TMEM135: variants seen among roughly 807,000 people sequenced by gnomAD.
The protein encoded by TMEM135 is transmembrane protein 135.
Under a neutral mutation model 60.3 loss-of-function variants are expected in TMEM135, and 30 were observed. The observed-to-expected ratio is 0.50, with a 90% CI of 0.37 to 0.68. The LOEUF (loss-of-function observed/expected upper bound fraction) is 0.68. TMEM135 is among the 30% of genes least tolerant of loss of function. The pLI is 0.00. For synonymous variants in TMEM135, 190 were observed against 186.7 expected (o/e 1.02, Z -0.14); for missense variants, 468 against 548.8 (o/e 0.85, Z 1.47).
chr11:87,043,569 A>G (rs948220404), intron 1 of TMEM135, among the ~76,000 whole-genome samples: 5 of 151,840 alleles, frequency 3.3e-5, no homozygotes, highest in Admixed American at 6.6e-5. Context: ...CTAAAAATAC[A>G]AAAATTAGCT....
chr11:87,168,051 T>C (rs576503740), intron 5 of TMEM135, among the ~76,000 whole-genome samples: 1 of 152,342 alleles, frequency 6.6e-6, no homozygotes, highest in Non-Finnish European at 1.5e-5. Flanking sequence ...GGTGTATGTG[T>C]CCAGGAATTT....
chr11:87,082,488 A>G (rs975655584), intron 3 of TMEM135, among the ~76,000 whole-genome samples: 18 of 152,238 alleles, frequency 1.2e-4, no homozygotes, highest in African/African-American at 4.3e-4. Flanking sequence ...ATTTATAATT[A>G]TGCCTTTAAT....
chr11:87,323,191 CA>C lies in TMEM135; in HGVS notation c.*1863del. Reference sequence around the variant, plus strand: ...GATTGTTTAGTAAAATTTTGCTGGTCAAAAAGGTGTATTTCTACAATTTACC... The same window carrying C: ...GATTGTTTAGTAAAATTTTGCTGGTCAAAAGGTGTATTTCTACAATTTACC... On this transcript the variant is annotated 3_prime_UTR_variant, in exon 15 of 15. Coordinates refer to ENST00000305494, the MANE Select transcript of TMEM135 (RefSeq NM_022918.4). 1 of 453,698 alleles carries C rather than the reference CA, an allele frequency of 2.2e-6. No individual in the cohort carries two copies. The highest frequency in any genetic ancestry group is 1.6e-5 in the South Asian group (1 of 64,338). 28.1% of individuals were successfully genotyped at this position (453,698 alleles called of 1,614,324 possible). A position where few individuals can be genotyped will look rare whatever the true frequency, so the allele number is the denominator to read the frequency against.
At chr11:87,166,665 T>C (rs1939057975) in intron 5 of TMEM135, among the ~76,000 whole-genome samples, 1 of 151,708 alleles carries the variant, frequency 6.6e-6, no homozygotes, top group Non-Finnish European at 1.5e-5. Flanking sequence ...TTGGCCTATA[T>C]ATCTGTTTTG....
At position 87,180,290 on chromosome 11, in the gene TMEM135, C is replaced by T. The variant is rs547278240; in HGVS notation, c.462+22884C>T. On this transcript the variant is annotated intron_variant, in intron 5 of 14. Coordinates refer to ENST00000305494, the MANE Select transcript of TMEM135 (RefSeq NM_022918.4). ...TAATCTTTTTCTTTGACCAGATAAA[C>T]GGGAAAAACGGGCCCCTGTAGCCCA... is the stretch of plus-strand genomic sequence containing the variant. Among the ~76,000 whole-genome samples, 15 of 152,142 alleles carry T rather than the reference C, an allele frequency of 9.9e-5. No homozygotes were observed. The South Asian group carries it at 1.7e-3, about 17-fold the overall frequency.
chr11:87,268,164 C>T (rs72957895), intron 6 of TMEM135, among the ~76,000 whole-genome samples: 18,107 of 102,492 alleles, frequency 0.18, 2,660 homozygotes, highest in Non-Finnish European at 0.25. Context: ...ATTTCCTTTC[C>T]TTTCCTTTCT....
intron 3 of TMEM135, among the ~76,000 whole-genome samples, chr11:87,071,871 A>G (rs1856778513): frequency 6.6e-6 from 1 of 152,180 alleles, no homozygotes; most frequent in Admixed American, 6.5e-5. Flanking sequence ...AGAGAGTTCT[A>G]TAATGTGACC....
chr11:87,278,311 A>G (rs1203255016), intron 6 of TMEM135, among the ~76,000 whole-genome samples: 1 of 152,022 alleles, frequency 6.6e-6, no homozygotes, highest in East Asian at 1.9e-4. Flanking sequence ...TAACACATAT[A>G]CATTTGTAAT....
chr11:87,200,241 C>A (rs993043312), intron 5 of TMEM135, among the ~76,000 whole-genome samples: 2 of 151,876 alleles, frequency 1.3e-5, no homozygotes, highest in Non-Finnish European at 2.9e-5. Context: ...TTAACATGAA[C>A]CTTCACAGGT....
chr11:87,106,042 G>T (rs1245824703), intron 4 of TMEM135, among the ~76,000 whole-genome samples: 2 of 151,940 alleles, frequency 1.3e-5, no homozygotes, highest in Non-Finnish European at 2.9e-5. Flanking sequence ...TTTTGTGCCT[G>T]GCTTTTTTCA....
At chr11:87,184,308 G>A (rs1378620796) in intron 5 of TMEM135, among the ~76,000 whole-genome samples, 1 of 152,064 alleles carries the variant, frequency 6.6e-6, no homozygotes. Flanking sequence ...TGAATAATTG[G>A]ATTAATTATT....
intron 5 of TMEM135, among the ~76,000 whole-genome samples, chr11:87,179,920 C>T (rs952471875): frequency 3.3e-5 from 5 of 150,478 alleles, no homozygotes; most frequent in Admixed American, 2.6e-4. Flanking sequence ...CTGATACTGG[C>T]AAGTTTTCTG....
intron 6 of TMEM135, among the ~76,000 whole-genome samples, chr11:87,245,195 A>T (rs1463431244): frequency 2.0e-5 from 3 of 151,390 alleles, no homozygotes; most frequent in African/African-American, 7.3e-5. Flanking sequence ...TTCTAATTTG[A>T]TTGCACTGTG....
intron 4 of TMEM135, among the ~76,000 whole-genome samples, chr11:87,132,508 T>C (rs1226068720): frequency 6.6e-6 from 1 of 152,158 alleles, no homozygotes; most frequent in Non-Finnish European, 1.5e-5. Context: ...ATGTACATGA[T>C]ATTGGATTCA....
intron 6 of TMEM135, among the ~76,000 whole-genome samples, chr11:87,279,824 A>C (rs1942028734): frequency 6.6e-6 from 1 of 152,214 alleles, no homozygotes; most frequent in Non-Finnish European, 1.5e-5. Context: ...ACAGAACAAT[A>C]TCTAGAACGA....
At chr11:87,259,109 C>T (rs1054949314) in intron 6 of TMEM135, 23 of 874,050 alleles carry the variant, frequency 2.6e-5, no homozygotes, top group Middle Eastern at 2.6e-4. Context: ...GGACCCTCTT[C>T]GGAAACATCT....
At chr11:87,163,091 G>T (rs1328456079) in intron 5 of TMEM135, among the ~76,000 whole-genome samples, 3 of 149,462 alleles carry the variant, frequency 2.0e-5, no homozygotes, top group Non-Finnish European at 4.4e-5. Context: ...CATTGTGCAG[G>T]TTAGTTACAT....
chr11:87,253,820 C>T (rs1941470397), intron 6 of TMEM135, among the ~76,000 whole-genome samples: 3 of 151,418 alleles, frequency 2.0e-5, no homozygotes, highest in Admixed American at 6.6e-5. Context: ...TAGTAACAAT[C>T]GTTGTCTCAT....
intron 4 of TMEM135, among the ~76,000 whole-genome samples, chr11:87,134,792 CT>C (rs1280340692): frequency 1.3e-5 from 2 of 152,112 alleles, no homozygotes; most frequent in Non-Finnish European, 2.9e-5. Context: ...AGCTGTATAG[CT>C]TTAGTATTTT....
Sources: gnomAD v4.1 joint callset for allele counts (sites outside exome capture counted in the v4.1 genomes callset) on GRCh38, gnomAD v4.1.1 for gene constraint, MANE v1.5 for transcripts, NCBI Gene and HGNC (gene_info 2026-07-23, HGNC 2026-07-21) for gene names.